PRKAG2: variants seen among roughly 807,000 people sequenced by gnomAD.
PRKAG2 encodes the protein 5'-AMP-activated protein kinase subunit gamma-2.
Under a neutral mutation model 69.6 loss-of-function variants are expected in PRKAG2, and 26 were observed. That is an observed-to-expected ratio of 0.37 (90% CI 0.27 to 0.52). The LOEUF (loss-of-function observed/expected upper bound fraction) is 0.52, where lower values mean the gene tolerates loss of function less well. Ranked by LOEUF, PRKAG2 falls within the 20% of genes least tolerant of loss-of-function variation. The pLI is 0.90. For missense variants in PRKAG2, 557 were observed against 740.0 expected, an observed-to-expected ratio of 0.75 and a Z score of 2.87; for synonymous variants, 293 against 285.0, an observed-to-expected ratio of 1.03 and a Z score of -0.28.
intron 3 of PRKAG2, among the ~76,000 whole-genome samples, chr7:151,767,451 C>T (rs547024860): frequency 5.9e-5 from 9 of 152,158 alleles, no homozygotes; most frequent in East Asian, 3.8e-4. Flanking sequence ...CCACCATGTG[C>T]GGCTAGTTTT....
chr7:151,686,184 G>A (rs1834709095), intron 3 of PRKAG2, among the ~76,000 whole-genome samples: 1 of 152,178 alleles, frequency 6.6e-6, no homozygotes, highest in African/African-American at 2.4e-5. Context: ...CATAGGACCG[G>A]AAGATCCTGA....
chr7:151,740,413 G>A (rs1180161231), intron 3 of PRKAG2, among the ~76,000 whole-genome samples: 4 of 152,022 alleles, frequency 2.6e-5, no homozygotes, highest in Non-Finnish European at 4.4e-5. Flanking sequence ...CAGCAGCCCT[G>A]CTGATACGAA....
chr7:151,796,622 C>G (rs1308800050), intron 1 of PRKAG2, among the ~76,000 whole-genome samples: 1 of 152,168 alleles, frequency 6.6e-6, no homozygotes, highest in Non-Finnish European at 1.5e-5. Flanking sequence ...CTGTCTCCTG[C>G]CACACCCAGT....
intron 3 of PRKAG2, among the ~76,000 whole-genome samples, chr7:151,682,874 T>C (rs1834094041): frequency 6.6e-6 from 1 of 152,110 alleles, no homozygotes; most frequent in African/African-American, 2.4e-5. Flanking sequence ...GCCCCGATCC[T>C]GGAGGAGGAC....
chr7:151,781,996 G>T lies in PRKAG2; in HGVS notation c.187-565C>A, dbSNP rs1026001309. Among the ~76,000 whole-genome samples the T allele has an allele frequency of 1.3e-5, 2 of 152,112 alleles. No homozygotes were observed. The highest frequency in any genetic ancestry group is 2.4e-5 in the African/African-American group (1 of 41,424). ...GAGAAAAGTTCACAAAGCCAGCCGG[G>T]TACGGTGACTCACGCCTGTAATCCC... On this transcript the variant is annotated intron_variant, in intron 2 of 15. Coordinates refer to ENST00000287878, the MANE Select transcript of PRKAG2 (RefSeq NM_016203.4). The surrounding 1 kb of genome is among the most constrained non-coding windows in gnomAD (Gnocchi z 6.1).
In PRKAG2 at chr7:151,667,143, G is replaced by A. The variant is rs146103676; in HGVS notation, c.684+8277C>T. Among the ~76,000 whole-genome samples the A allele has an allele frequency of 1.1e-3, 171 of 152,248 alleles. 2 individuals are homozygous for A. The Middle Eastern group carries it at 0.014, about 12-fold the overall frequency. ...CAACCTGGGATAACTCTGATGAGCC[G>A]CCCCAGCTTAGTCCTCCCTGTGGGT... On this transcript the variant is annotated intron_variant, in intron 4 of 15. Coordinates refer to ENST00000287878, the MANE Select transcript of PRKAG2 (RefSeq NM_016203.4).
rs55660204 is a variant in PRKAG2 at position 151,875,562 on chromosome 7, G to GGTGTGTGTGTGTGTGTGTGT, written c.114+925_114+944dup. 8.4e-4 allele frequency among the ~76,000 whole-genome samples: 111 copies of GGTGTGTGTGTGTGTGTGTGT among 131,374 alleles called. 2 individuals are homozygous for GGTGTGTGTGTGTGTGTGTGT. The highest frequency in any genetic ancestry group is 5.3e-3 in the East Asian group (20 of 3,796). The allele number at this position is 131,374 out of a possible 152,430, so 86.2% of individuals were successfully genotyped here. A position where few individuals can be genotyped will look rare whatever the true frequency, so the allele number is the denominator to read the frequency against. ...AATAACTTTCTCTACGGAGCACTCT[G>GGTGTGTGTGTGTGTGTGTGT]GTGTGTGTGTGTGTGTGTGTGTGTG... On this transcript the variant is annotated intron_variant, in intron 1 of 15. Coordinates refer to ENST00000287878, the MANE Select transcript of PRKAG2 (RefSeq NM_016203.4).
At chr7:151,742,916 C>T (rs1280545220) in intron 3 of PRKAG2, among the ~76,000 whole-genome samples, 1 of 152,194 alleles carries the variant, frequency 6.6e-6, no homozygotes, top group African/African-American at 2.4e-5. Flanking sequence ...TAGAGATGAA[C>T]GCTGATGCGT....
rs1554527036 is a variant in PRKAG2 at position 151,669,909 on chromosome 7, T to TACCTGCATGCACACAC, written c.684+5495_684+5510dup. 5.6e-3 allele frequency among the ~76,000 whole-genome samples: 741 copies of TACCTGCATGCACACAC among 131,368 alleles called. 8 individuals are homozygous for TACCTGCATGCACACAC. Among genetic ancestry groups the TACCTGCATGCACACAC allele is most frequent in the African/African-American group, 0.019 (654 of 33,878 alleles). 86.2% of individuals were successfully genotyped at this position (131,368 alleles called of 152,430 possible). A position where few individuals can be genotyped will look rare whatever the true frequency, so the allele number is the denominator to read the frequency against. ...GCATGCACACACACCTGCATGCACATACCTGCATGCACACACACCTGTGCA... is the reference window on the plus strand; with the variant it reads ...GCATGCACACACACCTGCATGCACATACCTGCATGCACACACACCTGCATGCACACACACCTGTGCA... On this transcript the variant is annotated intron_variant, in intron 4 of 15. Coordinates refer to ENST00000287878, the MANE Select transcript of PRKAG2 (RefSeq NM_016203.4).
chr7:151,722,197 G>A (rs1586059549), intron 3 of PRKAG2, among the ~76,000 whole-genome samples: 1 of 152,138 alleles, frequency 6.6e-6, no homozygotes, highest in East Asian at 1.9e-4. Flanking sequence ...TGCAGGTGTA[G>A]ACTCAGATGT....
In PRKAG2 at chr7:151,703,727, G is replaced by T. The variant is rs1021909554; in HGVS notation, c.467-28090C>A. Among the ~76,000 whole-genome samples the T allele has an allele frequency of 8.6e-5, 13 of 151,982 alleles. No homozygotes were observed. In the East Asian group the frequency reaches 1.7e-3, roughly 20 times the overall value. ...TCTATTTAAAAAAATTTTTTTGGCT[G>T]GGCGCGGTGGCTTATGCCTGTAATC... On this transcript the variant is annotated intron_variant, in intron 3 of 15. Transcript: ENST00000287878.
intron 15 of PRKAG2, 62 bp from the exon 16 acceptor site, chr7:151,557,294 A>G (rs1327489999): frequency 8.1e-6 from 13 of 1,613,558 alleles, no homozygotes; most frequent in Non-Finnish European, 1.1e-5. Context: ...TCTCTACCCC[A>G]GGGGTTTCTA....
At chr7:151,707,601 G>A (rs1476359813) in intron 3 of PRKAG2, among the ~76,000 whole-genome samples, 1 of 152,136 alleles carries the variant, frequency 6.6e-6, no homozygotes, top group Non-Finnish European at 1.5e-5. Flanking sequence ...CTGGTGGGGT[G>A]CTCCCGAAGG....
In PRKAG2 at chr7:151,740,843, G is replaced by C. The variant is rs542467482; in HGVS notation, c.466+40309C>G. On this transcript the variant is annotated intron_variant, in intron 3 of 15. Transcript: ENST00000287878. ...CCCAGGCCAGGCCAAATCAATGCCG[G>C]AGGGGACCCCAGCCTTCCCAAACAA... Among the ~76,000 whole-genome samples the C allele has an allele frequency of 1.4e-4, 22 of 152,266 alleles. No homozygotes were observed. The East Asian group carries it at 3.7e-3, about 25-fold the overall frequency.
At chr7:151,796,004 C>T (rs1290356483) in intron 1 of PRKAG2, among the ~76,000 whole-genome samples, 1 of 146,564 alleles carries the variant, frequency 6.8e-6, no homozygotes, top group East Asian at 2.0e-4. Context: ...GAGATATAAT[C>T]ACATAATATA....
intron 3 of PRKAG2, among the ~76,000 whole-genome samples, chr7:151,748,858 C>T (rs887811578): frequency 1.3e-5 from 2 of 152,258 alleles, no homozygotes; most frequent in African/African-American, 2.4e-5. Flanking sequence ...TTCGCCCCGC[C>T]GCGCCCGCAG....
chr7:151,808,423 A>G (rs2078232811), intron 1 of PRKAG2, among the ~76,000 whole-genome samples: 1 of 152,182 alleles, frequency 6.6e-6, no homozygotes, highest in South Asian at 2.1e-4. Context: ...AAGAAGGCCC[A>G]TGATTTTGTT....
At chr7:151,819,682 A>G (rs2078723869) in intron 1 of PRKAG2, among the ~76,000 whole-genome samples, 1 of 152,222 alleles carries the variant, frequency 6.6e-6, no homozygotes, top group African/African-American at 2.4e-5. Flanking sequence ...CAGTTTCTCT[A>G]TCTTTCAAGG....
At chr7:151,596,055 C>T (rs530881733) in intron 5 of PRKAG2, among the ~76,000 whole-genome samples, 16 of 152,038 alleles carry the variant, frequency 1.1e-4, no homozygotes, top group African/African-American at 3.9e-4. Flanking sequence ...AAAAAAAAGA[C>T]CAGGAACAAG....
Sources: gnomAD v4.1 joint callset for allele counts (sites outside exome capture counted in the v4.1 genomes callset) on GRCh38, gnomAD v4.1.1 for gene constraint, Gnocchi (gnomAD v3.1) non-coding constraint, MANE v1.5 for transcripts, NCBI Gene and HGNC (gene_info 2026-07-23, HGNC 2026-07-21) for gene names.